Variants in NPAS3 observed in about 807,000 individuals in gnomAD.
The protein encoded by NPAS3 is neuronal PAS domain protein 3.
In NPAS3, 14 loss-of-function variants were observed where a neutral mutation model predicts 73.1. The ratio of observed to expected loss-of-function variants is 0.19; its 90% CI spans 0.13 to 0.30. The LOEUF (loss-of-function observed/expected upper bound fraction) is 0.30. Among genes scored for constraint, NPAS3 ranks in the 10% least tolerant of loss-of-function variants. The pLI, the probability that NPAS3 is intolerant of heterozygous loss-of-function variation, is 1.00. For missense variants in NPAS3, 1,096 were observed against 1,250.0 expected (o/e 0.88, Z 1.86); for synonymous variants, 620 against 541.5 (o/e 1.14, Z -2.01).
chr14:33,432,307 G>A (rs1461669889), intron 4 of NPAS3, among the ~76,000 whole-genome samples: 1 of 152,154 alleles, frequency 6.6e-6, no homozygotes, highest in East Asian at 1.9e-4. Context: ...TGCTATGTAA[G>A]TGTAATTAAA....
intron 4 of NPAS3, among the ~76,000 whole-genome samples, chr14:33,479,518 T>G (rs907113929): frequency 2.0e-5 from 3 of 152,136 alleles, no homozygotes; most frequent in African/African-American, 7.2e-5. Context: ...TAAAACAAGT[T>G]ACCCCCAAAG....
chr14:33,800,985 G>A lies in NPAS3; in HGVS notation c.2678G>A (p.Ser893Asn). 6.3e-7 allele frequency: 1 copy of A among 1,590,200 alleles called. No homozygotes were observed. The highest frequency in any genetic ancestry group is 8.6e-7 in the Non-Finnish European group (1 of 1,169,158). ...TTCGGCGGCGCAGTGAGCGCAGCTA[G>A]CCTGACGCAGATGCCCGCCGGCAAC... Residue 893 changes from serine (S) to asparagine (N), a missense_variant, in exon 12 of 12, where the codon AGC (serine) becomes AAC (asparagine). Physicochemically the swap from Ser to Asn is conservative, Grantham distance 46. Transcript: ENST00000356141. The surrounding 1 kb of genome is among the most constrained non-coding windows in gnomAD (Gnocchi z 6.5).
At chr14:33,288,803 A>G (rs1322937273) in intron 3 of NPAS3, among the ~76,000 whole-genome samples, 1 of 152,128 alleles carries the variant, frequency 6.6e-6, no homozygotes, top group African/African-American at 2.4e-5. Context: ...AATCATGCAC[A>G]TGTACACACA....
intron 7 of NPAS3, among the ~76,000 whole-genome samples, chr14:33,769,751 TTTTTC>T (rs1180400013): frequency 3.5e-5 from 4 of 115,828 alleles, no homozygotes; most frequent in South Asian, 5.7e-4. Flanking sequence ...TTGGATTTTT[TTTTTC>T]TTTTTTTTTT....
intron 1 of NPAS3, among the ~76,000 whole-genome samples, chr14:32,971,240 A>G (rs572034383): frequency 6.6e-6 from 1 of 152,058 alleles, no homozygotes; most frequent in Non-Finnish European, 1.5e-5. Flanking sequence ...ATGCGCCACC[A>G]TGCCTGGCTA....
intron 6 of NPAS3, among the ~76,000 whole-genome samples, chr14:33,709,022 A>T (rs2060740965): frequency 6.6e-6 from 1 of 152,220 alleles, no homozygotes; most frequent in African/African-American, 2.4e-5. Context: ...TGGATCTATT[A>T]CTGATTGAAA....
At chr14:33,224,855 A>G (rs946972887) in intron 3 of NPAS3, among the ~76,000 whole-genome samples, 1 of 152,172 alleles carries the variant, frequency 6.6e-6, no homozygotes, top group Admixed American at 6.5e-5. Flanking sequence ...AATAATTTTA[A>G]GAAGGCATTA....
At chr14:33,525,155 G>A (rs1042509587) in intron 4 of NPAS3, among the ~76,000 whole-genome samples, 1 of 152,102 alleles carries the variant, frequency 6.6e-6, no homozygotes, top group African/African-American at 2.4e-5. Flanking sequence ...AAGGGGATAA[G>A]TATCCTAGTT....
intron 5 of NPAS3, among the ~76,000 whole-genome samples, chr14:33,668,892 TC>T (rs1422192930): frequency 6.6e-6 from 1 of 152,200 alleles, no homozygotes; most frequent in Non-Finnish European, 1.5e-5. Context: ...TTCCACTCTT[TC>T]TTATTCATGC....
intron 4 of NPAS3, among the ~76,000 whole-genome samples, chr14:33,546,248 G>A (rs1270137874): frequency 2.6e-5 from 4 of 152,204 alleles, no homozygotes; most frequent in African/African-American, 4.8e-5. Context: ...TACTCTGGCT[G>A]CTTACTGCAT....
At chr14:33,493,163 T>C (rs966383682) in intron 4 of NPAS3, among the ~76,000 whole-genome samples, 3 of 152,168 alleles carry the variant, frequency 2.0e-5, no homozygotes, top group Non-Finnish European at 4.4e-5. Context: ...CTTCTCATCA[T>C]CATTTTGGTG....
intron 3 of NPAS3, among the ~76,000 whole-genome samples, chr14:33,356,986 A>G (rs2045366082): frequency 6.6e-6 from 1 of 152,190 alleles, no homozygotes; most frequent in Non-Finnish European, 1.5e-5. Flanking sequence ...CCTGTTTACT[A>G]ATCTGCATTC....
intron 3 of NPAS3, among the ~76,000 whole-genome samples, chr14:33,355,478 T>G (rs915299113): frequency 6.6e-5 from 10 of 152,160 alleles, no homozygotes; most frequent in African/African-American, 2.4e-4. Context: ...TTTTTGTATT[T>G]TTGTAGAGAT....
chr14:33,056,121 C>CA (rs1289174892), intron 2 of NPAS3, 127 bp downstream of exon 2: 13 of 483,776 alleles, frequency 2.7e-5, no homozygotes, highest in African/African-American at 6.8e-5. Context: ...GAAAAAAAAA[C>CA]AAAAAAACAA....
chr14:33,019,565 C>G (rs189843523), intron 1 of NPAS3, among the ~76,000 whole-genome samples: 46 of 152,218 alleles, frequency 3.0e-4, no homozygotes, highest in African/African-American at 1.0e-3. Context: ...AAAGGAAGCT[C>G]TTGGTGGCTG....
intron 10 of NPAS3, among the ~76,000 whole-genome samples, chr14:33,794,448 C>T (rs375754278): frequency 1.3e-5 from 2 of 152,214 alleles, no homozygotes; most frequent in South Asian, 2.1e-4. Context: ...TAAAACAGAG[C>T]GGGAGAAAAG....
At chr14:33,715,775 G>A (rs1322659748) in intron 6 of NPAS3, among the ~76,000 whole-genome samples, 3 of 152,162 alleles carry the variant, frequency 2.0e-5, no homozygotes, top group African/African-American at 7.2e-5. Flanking sequence ...TAATCCCCAC[G>A]TGTCATTCGA....
At chr14:33,122,562 G>A (rs886466945) in intron 2 of NPAS3, among the ~76,000 whole-genome samples, 3 of 152,158 alleles carry the variant, frequency 2.0e-5, no homozygotes, top group Non-Finnish European at 4.4e-5. Flanking sequence ...ACTATTATCA[G>A]TGATGTTGAG....
chr14:33,290,302 T>C (rs1314914002), intron 3 of NPAS3, among the ~76,000 whole-genome samples: 1 of 152,118 alleles, frequency 6.6e-6, no homozygotes, highest in Non-Finnish European at 1.5e-5. Context: ...TTTTATTGTT[T>C]GGGTCTGGAA....
Sources: allele counts gnomAD v4.1 joint callset (sites outside exome capture counted in the v4.1 genomes callset), GRCh38; gene constraint gnomAD v4.1.1; non-coding constraint Gnocchi (gnomAD v3.1); transcripts MANE v1.5; gene names NCBI Gene and HGNC (gene_info 2026-07-23, HGNC 2026-07-21).